PKP4: variants seen among roughly 807,000 people sequenced by gnomAD.
PKP4 encodes plakophilin 4, also known as plakophilin-4.
In PKP4, 90 loss-of-function variants were observed where a neutral mutation model predicts 145.1. The ratio of observed to expected loss-of-function variants is 0.62; its 90% CI spans 0.52 to 0.74. PKP4 has a LOEUF of 0.74. Ranked by LOEUF, PKP4 falls within the 30% of genes least tolerant of loss-of-function variation. The pLI is 0.00. For missense variants in PKP4, 1,340 were observed against 1,482.7 expected (o/e 0.90, Z 1.58); for synonymous variants, 563 against 577.2 (o/e 0.98, Z 0.35).
intron 1 of PKP4, among the ~76,000 whole-genome samples, chr2:158,484,032 C>CTTTTTTTTT (rs11289096): frequency 1.0e-5 from 1 of 95,950 alleles, no homozygotes; most frequent in African/African-American, 3.7e-5. Context: ...TTTTCTTTTT[C>CTTTTTTTTT]TTTTTTTTTT....
At chr2:158,586,186 T>C (rs2048789154) in intron 3 of PKP4, among the ~76,000 whole-genome samples, 1 of 152,200 alleles carries the variant, frequency 6.6e-6, no homozygotes, top group African/African-American at 2.4e-5. Flanking sequence ...TACATTTGGG[T>C]TGTTTTCACT....
Position 158,640,718 on chromosome 2 carries a change from C to G in PKP4, c.1654C>G (p.Leu552Val), listed in dbSNP as rs1425251583. 6.2e-7 allele frequency: 1 copy of G among 1,614,130 alleles called. No homozygotes were observed. The highest frequency in any genetic ancestry group is 1.1e-5 in the South Asian group (1 of 91,084). Residue 552 changes from leucine to valine, a missense_variant, in exon 10 of 22, where the codon CTG becomes GTG. Transcript: ENST00000389759. Reference sequence around the variant, plus strand: ...TGTTCAGGCAAATGCAGCGGCCTACCTGCAGCACCTGTGCTTTGGTGACAA... The same window carrying G: ...TGTTCAGGCAAATGCAGCGGCCTACGTGCAGCACCTGTGCTTTGGTGACAA... The part of the protein sequence containing the change: ...PSVQANAAAY[L>V]QHLCFGDNKV...
At chr2:158,466,651 G>A (rs904576661) in intron 1 of PKP4, among the ~76,000 whole-genome samples, 1 of 152,192 alleles carries the variant, frequency 6.6e-6, no homozygotes. Flanking sequence ...GTTGCAGTGG[G>A]CAGAGATTGC....
At chr2:158,639,921 A>G (rs1000192157) in intron 9 of PKP4, among the ~76,000 whole-genome samples, 5 of 152,196 alleles carry the variant, frequency 3.3e-5, no homozygotes, top group Admixed American at 2.0e-4. Flanking sequence ...AAATATATAT[A>G]AAATGCCTGG....
chr2:158,556,098 C>T (rs1210786165), intron 2 of PKP4, among the ~76,000 whole-genome samples: 1 of 152,208 alleles, frequency 6.6e-6, no homozygotes, highest in Non-Finnish European at 1.5e-5. Flanking sequence ...TTATTTATCA[C>T]ATTATTACAC....
intron 1 of PKP4, among the ~76,000 whole-genome samples, chr2:158,483,998 CAAG>C (rs1693759175): frequency 1.3e-5 from 2 of 150,782 alleles, no homozygotes; most frequent in South Asian, 4.2e-4. Flanking sequence ...GTGAGCATAA[CAAG>C]AACGTGCACA....
intron 19 of PKP4, among the ~76,000 whole-genome samples, chr2:158,674,379 A>G (rs984253624): frequency 6.6e-6 from 1 of 152,308 alleles, no homozygotes; most frequent in African/African-American, 2.4e-5. Context: ...CCAGCTGGCC[A>G]TAAGGTTGGA....
intron 6 of PKP4, among the ~76,000 whole-genome samples, chr2:158,624,654 T>C (rs1328974985): frequency 6.8e-6 from 1 of 146,498 alleles, no homozygotes; most frequent in Non-Finnish European, 1.5e-5. Flanking sequence ...AGGTTAATTT[T>C]AGCATTTGGT....
chr2:158,637,783 A>G (rs1574900687), intron 9 of PKP4, among the ~76,000 whole-genome samples: 1 of 152,390 alleles, frequency 6.6e-6, no homozygotes, highest in South Asian at 2.1e-4. Flanking sequence ...GAGTTACTCT[A>G]TCATGGCTGG....
chr2:158,470,275 T>A (rs970344049), intron 1 of PKP4, among the ~76,000 whole-genome samples: 1 of 152,212 alleles, frequency 6.6e-6, no homozygotes, highest in Non-Finnish European at 1.5e-5. Context: ...CTCCATTGTT[T>A]ACCCTGCTGG....
intron 3 of PKP4, among the ~76,000 whole-genome samples, chr2:158,596,176 G>A (rs2049722216): frequency 6.6e-6 from 1 of 151,682 alleles, no homozygotes; most frequent in Non-Finnish European, 1.5e-5. Context: ...GCCCACCAAT[G>A]GCACAATAAA....
chr2:158,590,133 T>C (rs1448247485), intron 3 of PKP4, among the ~76,000 whole-genome samples: 1 of 152,172 alleles, frequency 6.6e-6, no homozygotes, highest in East Asian at 1.9e-4. Flanking sequence ...TATGCTGCTG[T>C]TGTGTTACTC....
chr2:158,538,468 A>G (rs1349397646), intron 2 of PKP4, among the ~76,000 whole-genome samples: 1 of 151,956 alleles, frequency 6.6e-6, no homozygotes, highest in East Asian at 1.9e-4. Flanking sequence ...ATCTTCTGTC[A>G]TAAAGTTGCT....
chr2:158,518,524 T>C (rs777705411), intron 1 of PKP4, among the ~76,000 whole-genome samples: 1 of 152,224 alleles, frequency 6.6e-6, no homozygotes, highest in Non-Finnish European at 1.5e-5. Flanking sequence ...ACTAGTGTCA[T>C]TTCACTTTTA....
chr2:158,615,911 A>T (rs979553894), intron 4 of PKP4, among the ~76,000 whole-genome samples: 6 of 152,208 alleles, frequency 3.9e-5, no homozygotes, highest in Admixed American at 6.5e-5. Flanking sequence ...TTGATAAGAT[A>T]ATATAAATAT....
chr2:158,532,687 C>A (rs73004820), intron 1 of PKP4, among the ~76,000 whole-genome samples: 2 of 152,158 alleles, frequency 1.3e-5, no homozygotes, highest in African/African-American at 2.4e-5. Context: ...CTTTTCAACA[C>A]CACATTCCTA....
intron 11 of PKP4, among the ~76,000 whole-genome samples, chr2:158,649,845 C>T (rs2055188176): frequency 6.6e-6 from 1 of 152,240 alleles, no homozygotes; most frequent in Admixed American, 6.5e-5. Flanking sequence ...AGGCCAGGTC[C>T]TGCAAATGCT....
chr2:158,628,644 A>G (rs181173473), intron 7 of PKP4, among the ~76,000 whole-genome samples: 2 of 152,302 alleles, frequency 1.3e-5, no homozygotes, highest in East Asian at 1.9e-4. Flanking sequence ...GTTATTTTTT[A>G]TATTTCTAAA....
At chr2:158,532,005 GT>G (rs1475776461) in intron 1 of PKP4, among the ~76,000 whole-genome samples, 5 of 152,180 alleles carry the variant, frequency 3.3e-5, no homozygotes, top group Non-Finnish European at 5.9e-5. Flanking sequence ...AGCCAGGAGA[GT>G]AGGGAAGAAG....
Sources: allele counts gnomAD v4.1 joint callset (sites outside exome capture counted in the v4.1 genomes callset), GRCh38; gene constraint gnomAD v4.1.1; transcripts MANE v1.5; gene names NCBI Gene and HGNC (gene_info 2026-07-23, HGNC 2026-07-21).